H2BC12: variants seen among roughly 807,000 people sequenced by gnomAD.
The protein encoded by H2BC12 is histone H2B type 1-K.
H2BC12 carries 6 observed loss-of-function variants against 6.3 expected under a neutral mutation model. The observed-to-expected ratio is 0.95, with a 90% CI of 0.52 to 1.87. The LOEUF (loss-of-function observed/expected upper bound fraction) is 1.87, where lower values mean the gene tolerates loss of function less well. Among genes scored for constraint, H2BC12 ranks in the 40% most tolerant of loss-of-function variants. The probability of loss-of-function intolerance (pLI) is 0.01; values close to 1 mark genes in which losing one functional copy is unlikely to be tolerated. For synonymous variants in H2BC12, 132 were observed against 78.5 expected (o/e 1.68, Z -3.60); for missense variants, 119 against 178.4 (o/e 0.67, Z 1.90).
downstream of H2BC12, chr6:27,146,312 T>C (rs569389881): frequency 1.3e-6 from 2 of 1,556,004 alleles, no homozygotes; most frequent in African/African-American, 1.4e-5. Context: ...ATCGCCCGAA[T>C]TTAAGCCTGG....
the H2BC12 span, chr6:27,139,791 C>CG: frequency 8.9e-7 from 1 of 1,127,858 alleles, no homozygotes; most frequent in Non-Finnish European, 1.2e-6. Context: ...GGGCTGATGA[C>CG]TACAGGTGAC....
rs574551754 is a variant in H2BC12 at position 27,146,670 on chromosome 6, G to A, written c.129C>T (p.Tyr43=). The A allele has an allele frequency of 4.3e-6, 7 of 1,614,156 alleles. No homozygotes were observed. The highest frequency in any genetic ancestry group is 2.2e-5 in the East Asian group (1 of 44,900). ...SRKESYSVYV[Y]KVLKQVHPDT... Reference sequence around the variant, plus strand: ...CGGGGTGGACCTGCTTCAGCACCTTGTACACGTATACGGAGTAGCTCTCCT... The same window carrying A: ...CGGGGTGGACCTGCTTCAGCACCTTATACACGTATACGGAGTAGCTCTCCT... Residue 43 remains tyrosine, a synonymous_variant, in exon 1 of 1, where the codon TAC becomes TAT. Coordinates refer to ENST00000356950, the MANE Select transcript of H2BC12 (RefSeq NM_001312653.2).
chr6:27,143,479 C>G (rs191336021), downstream of H2BC12, among the ~76,000 whole-genome samples: 1 of 152,106 alleles, frequency 6.6e-6, no homozygotes, highest in Admixed American at 6.6e-5. Flanking sequence ...AATTCATAGG[C>G]ATTGAGTTGT....
At chr6:27,141,062 AC>A in the H2BC12 span, among the ~76,000 whole-genome samples, 1 of 151,882 alleles carries the variant, frequency 6.6e-6, no homozygotes, top group East Asian at 1.9e-4. Context: ...AAAAAAAAAA[AC>A]AAAAAACATT....
downstream of H2BC12, among the ~76,000 whole-genome samples, chr6:27,145,718 C>T (rs1228224631): frequency 6.6e-6 from 1 of 152,190 alleles, no homozygotes; most frequent in African/African-American, 2.4e-5. Flanking sequence ...TGACGCTGAA[C>T]ATGCCTTAAA....
the H2BC12 span, chr6:27,139,526 A>C: frequency 6.2e-7 from 1 of 1,614,030 alleles, no homozygotes; most frequent in African/African-American, 1.3e-5. Flanking sequence ...GCCGTGACCT[A>C]CACGGAGCAC....
the H2BC12 span, chr6:27,139,470 G>A: frequency 3.7e-6 from 6 of 1,614,200 alleles, no homozygotes; most frequent in Non-Finnish European, 5.1e-6. Flanking sequence ...TCTATGAGGA[G>A]ACCCGCGGAG....
At position 27,146,532 on chromosome 6, in the gene H2BC12, G is replaced by A. The variant is rs776180401; in HGVS notation, c.267C>T (p.Thr89=). ...CCGTCTGGATCTCCCTGGAGGTGAT[G>A]GTCGAGCGCTTGTTGTAATGCGCCA... ...SRLAHYNKRS[T]ITSREIQTAV... is the part of the protein sequence containing the mutation. The change falls in exon 1 of 1, where the codon ACC becomes ACT. Residue 89 remains threonine, a synonymous_variant. Coordinates refer to ENST00000356950, the MANE Select transcript of H2BC12 (RefSeq NM_001312653.2). The A allele has an allele frequency of 1.5e-5, 24 of 1,614,130 alleles. No homozygotes were observed. The Admixed American group carries it at 1.5e-4, about 10-fold the overall frequency.
chr6:27,146,574 C>A lies in H2BC12; in HGVS notation c.225G>T (p.Ala75=), dbSNP rs183476782. Residue 75 remains alanine, a synonymous_variant, in exon 1 of 1, where the codon GCG becomes GCT. Coordinates refer to ENST00000356950, the MANE Select transcript of H2BC12 (RefSeq NM_001312653.2). ...AATGCGCCAGGCGGGAAGCCTCACC[C>A]GCGATGCGTTCGAAGATGTCGTTGA... The part of the protein sequence containing the change: ...SFVNDIFERI[A]GEASRLAHYN... 1 of 1,614,120 alleles carries A rather than the reference C, an allele frequency of 6.2e-7. No individual in the cohort carries two copies. The highest frequency in any genetic ancestry group is 8.5e-7 in the Non-Finnish European group (1 of 1,180,014).
chr6:27,143,029 T>C (rs1230169104), downstream of H2BC12, among the ~76,000 whole-genome samples: 1 of 152,046 alleles, frequency 6.6e-6, no homozygotes, highest in African/African-American at 2.4e-5. Context: ...CAATAAAGAA[T>C]GAGAAAGTAG....
the H2BC12 span, among the ~76,000 whole-genome samples, chr6:27,140,202 T>C: frequency 6.6e-6 from 1 of 152,212 alleles, no homozygotes; most frequent in Admixed American, 6.5e-5. Flanking sequence ...ATATCAAGTA[T>C]ACAAAATGCG....
At chr6:27,143,846 T>TAAAAAAAAAA (rs34292040), downstream of H2BC12, among the ~76,000 whole-genome samples, 51 of 113,576 alleles carry the variant, frequency 4.5e-4, no homozygotes, top group African/African-American at 1.1e-3. Flanking sequence ...AACTACTCTT[T>TAAAAAAAAAA]AAAAAAAAAA....
downstream of H2BC12, among the ~76,000 whole-genome samples, chr6:27,143,846 TA>T (rs34292040): frequency 0.21 from 23,455 of 113,542 alleles, 2,066 homozygotes; most frequent in Middle Eastern, 0.28. Flanking sequence ...AACTACTCTT[TA>T]AAAAAAAAAA....
chr6:27,146,605 G>A lies in H2BC12; in HGVS notation c.194C>T (p.Ser65Phe). 1 of 1,614,266 alleles carries A rather than the reference G, an allele frequency of 6.2e-7. No homozygotes were observed. Among genetic ancestry groups the A allele is most frequent in the Non-Finnish European group, 8.5e-7 (1 of 1,180,054 alleles). The change falls in exon 1 of 1, where the codon TCC becomes TTC. Residue 65 changes from serine to phenylalanine, a missense_variant. Ser to Phe is a radical substitution (Grantham distance 155, BLOSUM62 -2). Transcript: ENST00000356950. ...GCGTTCGAAGATGTCGTTGACGAAG[G>A]AGTTCATGATTCCCATGGCCTTAGA... is the stretch of plus-strand genomic sequence containing the variant. ...ISSKAMGIMN[S>F]FVNDIFERIA...
the H2BC12 span, chr6:27,139,475 G>A: frequency 3.1e-6 from 5 of 1,614,192 alleles, no homozygotes; most frequent in East Asian, 2.2e-5. Context: ...GAGGAGACCC[G>A]CGGAGTGTTG....
chr6:27,139,330 G>A, the H2BC12 span: 12 of 1,612,334 alleles, frequency 7.4e-6, no homozygotes, highest in Middle Eastern at 1.6e-4. Context: ...CGGCAAAGGA[G>A]GTAAGGGCCT....
downstream of H2BC12, among the ~76,000 whole-genome samples, chr6:27,144,320 G>T (rs147313328): frequency 2.2e-4 from 34 of 152,022 alleles, 1 homozygote; most frequent in Admixed American, 2.0e-3. Flanking sequence ...AAATTAGCTG[G>T]GCATGGTGGC....
At chr6:27,146,027 A>T (rs115036092), downstream of H2BC12, among the ~76,000 whole-genome samples, 943 of 152,330 alleles carry the variant, frequency 6.2e-3, 7 homozygotes, top group African/African-American at 0.019. Flanking sequence ...TTAGAACGCC[A>T]TTACATGGTG....
At chr6:27,139,736 G>A in the H2BC12 span, 4 of 1,412,358 alleles carry the variant, frequency 2.8e-6, no homozygotes, top group Non-Finnish European at 3.8e-6. Context: ...CATTGTCAGT[G>A]AGTTCTGTCA....
Sources: allele counts gnomAD v4.1 joint callset (sites outside exome capture counted in the v4.1 genomes callset), GRCh38; gene constraint gnomAD v4.1.1; transcripts MANE v1.5; gene names NCBI Gene and HGNC (gene_info 2026-07-23, HGNC 2026-07-21).